The following FSTL5 variants were observed in gnomAD, a reference collection of about 807,000 sequenced individuals.
FSTL5 encodes the protein follistatin like 5.
Under a neutral mutation model 89.1 loss-of-function variants are expected in FSTL5, and 62 were observed. The ratio of observed to expected loss-of-function variants is 0.70; its 90% confidence interval spans 0.57 to 0.86. FSTL5 has a LOEUF of 0.86. FSTL5 is among the 40% of genes least tolerant of loss of function. The probability of loss-of-function intolerance (pLI) is 0.00; values close to 1 mark genes in which losing one functional copy is unlikely to be tolerated. For synonymous variants in FSTL5, 383 were observed against 346.2 expected (o/e 1.11, Z -1.18); for missense variants, 1,057 against 1,001.6 (o/e 1.06, Z -0.75).
intron 5 of FSTL5, among the ~76,000 whole-genome samples, chr4:161,768,700 A>G (rs1741104043): frequency 6.6e-6 from 1 of 151,976 alleles, no homozygotes; most frequent in Non-Finnish European, 1.5e-5. Context: ...GGGAAGTACA[A>G]AAGAAGCAAC....
chr4:161,527,381 T>C (rs1328388829), intron 10 of FSTL5, among the ~76,000 whole-genome samples: 1 of 152,166 alleles, frequency 6.6e-6, no homozygotes, highest in Non-Finnish European at 1.5e-5. Context: ...GAGAAAATTT[T>C]CGCAACCTAC....
chr4:161,913,114 C>CA (rs1043376163), intron 4 of FSTL5, among the ~76,000 whole-genome samples: 65 of 151,858 alleles, frequency 4.3e-4, no homozygotes, highest in African/African-American at 1.4e-3. Context: ...CATAAAAGTT[C>CA]AAAAAAAATT....
At chr4:161,846,771 C>T (rs1731382343) in intron 4 of FSTL5, among the ~76,000 whole-genome samples, 2 of 152,130 alleles carry the variant, frequency 1.3e-5, no homozygotes, top group Admixed American at 6.6e-5. Context: ...TTAGAACCAA[C>T]ATATTATCTG....
chr4:161,587,704 A>G, intron 7 of FSTL5, 129 bp from the exon 8 acceptor site: 1 of 628,536 alleles, frequency 1.6e-6, no homozygotes, highest in South Asian at 2.4e-5. Context: ...CAAAATGAGC[A>G]TTGTTGGGTG....
At chr4:161,915,646 T>G (rs545763957) in intron 4 of FSTL5, among the ~76,000 whole-genome samples, 1 of 152,256 alleles carries the variant, frequency 6.6e-6, no homozygotes, top group African/African-American at 2.4e-5. Context: ...CTAAGGGAAT[T>G]CAGAGGAACT....
At chr4:161,494,960 G>GCTAA (rs1730012303) in intron 12 of FSTL5, among the ~76,000 whole-genome samples, 1 of 152,060 alleles carries the variant, frequency 6.6e-6, no homozygotes, top group Admixed American at 6.6e-5. Flanking sequence ...TACCCATGAG[G>GCTAA]CTAAGGTAGA....
At chr4:161,813,276 G>T (rs968754186) in intron 4 of FSTL5, among the ~76,000 whole-genome samples, 4 of 151,956 alleles carry the variant, frequency 2.6e-5, no homozygotes, top group Non-Finnish European at 5.9e-5. Flanking sequence ...TGATCTGCCC[G>T]CCTTGGCCTC....
intron 15 of FSTL5, among the ~76,000 whole-genome samples, chr4:161,410,248 GA>G (rs1731541490): frequency 6.6e-6 from 1 of 152,112 alleles, no homozygotes; most frequent in Non-Finnish European, 1.5e-5. Flanking sequence ...CTTTGCCTAT[GA>G]AAAGACTTAG....
intron 4 of FSTL5, among the ~76,000 whole-genome samples, chr4:161,854,444 G>T (rs1731657190): frequency 1.3e-5 from 2 of 152,110 alleles, no homozygotes; most frequent in Admixed American, 1.3e-4. Flanking sequence ...CTTGATAGAG[G>T]TTTTGATGGT....
chr4:161,825,397 T>C (rs748072405), intron 4 of FSTL5, among the ~76,000 whole-genome samples: 3 of 152,198 alleles, frequency 2.0e-5, no homozygotes, highest in Non-Finnish European at 4.4e-5. Context: ...AGGGTGATAC[T>C]GGTTTCATAG....
Position 161,727,901 on chromosome 4 carries a change from T to A in FSTL5, c.727+31510A>T, listed in dbSNP as rs541877090. Among the ~76,000 whole-genome samples, 7 of 152,158 alleles carry A rather than the reference T, an allele frequency of 4.6e-5. No homozygotes were observed. The South Asian group carries it at 1.5e-3, about 32-fold the overall frequency. Reference sequence around the variant, plus strand: ...AGAGTGGCTTTCTTAAAACCATGGATTCAAACAAAACATGGAGGTTGCAAT... The same window carrying A: ...AGAGTGGCTTTCTTAAAACCATGGAATCAAACAAAACATGGAGGTTGCAAT... On this transcript the variant is annotated intron_variant, in intron 6 of 15. Transcript: ENST00000306100.
At chr4:162,084,079 T>G (rs969428398) in intron 2 of FSTL5, among the ~76,000 whole-genome samples, 1 of 151,958 alleles carries the variant, frequency 6.6e-6, no homozygotes, top group Non-Finnish European at 1.5e-5. Context: ...TATATGCCCA[T>G]TCGAATATTA....
chr4:161,602,042 A>T (rs1734260911), intron 7 of FSTL5, among the ~76,000 whole-genome samples: 1 of 152,100 alleles, frequency 6.6e-6, no homozygotes, highest in African/African-American at 2.4e-5. Flanking sequence ...TAAAATAACT[A>T]TGATTAATAT....
At chr4:161,848,911 C>T (rs1731463840) in intron 4 of FSTL5, among the ~76,000 whole-genome samples, 1 of 152,134 alleles carries the variant, frequency 6.6e-6, no homozygotes, top group Non-Finnish European at 1.5e-5. Context: ...GCTGGGGAAA[C>T]ATAGCCATCT....
chr4:161,580,256 A>T (rs887238986), intron 8 of FSTL5, among the ~76,000 whole-genome samples: 3 of 152,196 alleles, frequency 2.0e-5, no homozygotes, highest in Non-Finnish European at 2.9e-5. Context: ...AAGTTAACGA[A>T]TTTTTGTACT....
At chr4:161,891,780 T>A (rs1337905702) in intron 4 of FSTL5, among the ~76,000 whole-genome samples, 5 of 152,056 alleles carry the variant, frequency 3.3e-5, no homozygotes, top group Non-Finnish European at 5.9e-5. Flanking sequence ...AAAGCAAAAC[T>A]TTAGGTAATG....
At chr4:162,066,305 C>CTTCTTCTTCTTCT (rs1401021788) in intron 2 of FSTL5, among the ~76,000 whole-genome samples, 1,076 of 38,626 alleles carry the variant, frequency 0.028, 5 homozygotes, top group Middle Eastern at 0.065. Context: ...TACTTTTCTT[C>CTTCTTCTTCTTCT]TTCTTCTTCT....
chr4:162,065,085 C>G (rs926229374), intron 2 of FSTL5, among the ~76,000 whole-genome samples: 2 of 151,872 alleles, frequency 1.3e-5, no homozygotes, highest in African/African-American at 4.8e-5. Context: ...ATGTCTTACA[C>G]TATATACAAA....
chr4:161,923,330 C>T (rs965059124), intron 3 of FSTL5, among the ~76,000 whole-genome samples: 4 of 151,450 alleles, frequency 2.6e-5, no homozygotes, highest in African/African-American at 7.3e-5. Flanking sequence ...GAAAGAAAAT[C>T]CAAAATTATA....
Sources: allele counts gnomAD v4.1 joint callset (sites outside exome capture counted in the v4.1 genomes callset), GRCh38; gene constraint gnomAD v4.1.1; transcripts MANE v1.5; gene names NCBI Gene and HGNC (gene_info 2026-07-23, HGNC 2026-07-21).